COL5A3: variants seen among roughly 807,000 people sequenced by gnomAD.
COL5A3 encodes the protein collagen alpha-3(V) chain.
Under a neutral mutation model 250.0 loss-of-function variants are expected in COL5A3, and 172 were observed. The ratio of observed to expected loss-of-function variants is 0.69; its 90% CI spans 0.61 to 0.78. The LOEUF is 0.78. COL5A3 is among the 30% of genes least tolerant of loss of function. The pLI is 0.00. For missense variants in COL5A3, 2,340 were observed against 2,334.4 expected (o/e 1.00, Z -0.05); for synonymous variants, 937 against 900.4 (o/e 1.04, Z -0.73).
Position 9,993,079 on chromosome 19 carries a change from C to T in COL5A3, c.1750-12G>A, listed in dbSNP as rs73005188. ...GGTCCCTCTGCTCCCTGTGGAAAAGCGTCATTACTTGGGAACAGGAAGGTA... is the reference window on the plus strand; with the variant it reads ...GGTCCCTCTGCTCCCTGTGGAAAAGTGTCATTACTTGGGAACAGGAAGGTA... On this transcript the variant is annotated splice_polypyrimidine_tract_variant and intron_variant, in intron 19 of 66. Coordinates refer to ENST00000264828, the MANE Select transcript of COL5A3 (RefSeq NM_015719.4). 0.023 allele frequency: 37,079 copies of T among 1,613,352 alleles called. 611 individuals carry two copies. Among genetic ancestry groups the T allele is most frequent in the South Asian group, 0.051 (4,639 of 91,002 alleles).
At position 9,979,515 on chromosome 19, in the gene COL5A3, TC is replaced by T. The variant is rs144085270; in HGVS notation, c.2713-99del. ...CTGATAGGATCAGGAATCTGGCCGGTCCGGTGGCTCACGCCTGTAATCCCAG... is the reference window on the plus strand; with the variant it reads ...CTGATAGGATCAGGAATCTGGCCGGTCGGTGGCTCACGCCTGTAATCCCAG... On this transcript the variant is annotated intron_variant, in intron 37 of 66. Coordinates refer to ENST00000264828, the MANE Select transcript of COL5A3 (RefSeq NM_015719.4). 0.01 allele frequency: 13,640 copies of T among 1,326,900 alleles called. 1,091 individuals are homozygous for T. The African/African-American group carries it at 0.18, about 17-fold the overall frequency. The allele number at this position is 1,326,900 out of a possible 1,614,324, so 82.2% of individuals were successfully genotyped here. A position where few individuals can be genotyped will look rare whatever the true frequency, so the allele number is the denominator to read the frequency against.
intron 16 of COL5A3, among the ~76,000 whole-genome samples, chr19:9,994,559 CATATATATATAT>C (rs57642882): frequency 0.072 from 5,055 of 70,470 alleles, 246 homozygotes; most frequent in South Asian, 0.22. Context: ...ATATGTTTTA[CATATATATATAT>C]ATATATATAT....
chr19:9,966,841 A>G (rs1246000880), intron 62 of COL5A3, 95 bp from the exon 63 acceptor site: 2 of 952,676 alleles, frequency 2.1e-6, no homozygotes, highest in Non-Finnish European at 3.1e-6. Context: ...AGGCAGACAG[A>G]CACAAATGAG....
intron 37 of COL5A3, 61 bp from the exon 38 acceptor site, chr19:9,979,478 G>A: frequency 1.9e-6 from 3 of 1,558,414 alleles, no homozygotes; most frequent in Non-Finnish European, 2.7e-6. Flanking sequence ...AGGAGCAGGA[G>A]ACAGGGAAGG....
chr19:9,989,012 G>T (rs949194511), intron 27 of COL5A3, 112 bp downstream of exon 27: 26 of 1,108,542 alleles, frequency 2.3e-5, no homozygotes, highest in Middle Eastern at 2.0e-4. Flanking sequence ...ACTACATTTG[G>T]CCTGGCCAAC....
intron 16 of COL5A3, among the ~76,000 whole-genome samples, chr19:9,994,178 T>TA (rs936742846): frequency 1.8e-4 from 27 of 151,668 alleles, no homozygotes; most frequent in African/African-American, 6.1e-4. Flanking sequence ...TTATTTTTTT[T>TA]AATTTATTTA....
chr19:9,996,545 C>A (rs764185629), intron 12 of COL5A3, 29 bp from the exon 13 acceptor site: 1 of 1,612,994 alleles, frequency 6.2e-7, no homozygotes, highest in South Asian at 1.1e-5. Context: ...TGAGGGAAGC[C>A]CCCAGGAGAG....
chr19:10,005,987 T>C lies in COL5A3; in HGVS notation c.248-2A>G. 2 of 1,612,924 alleles carry C rather than the reference T, an allele frequency of 1.2e-6. No individual in the cohort carries two copies. Among genetic ancestry groups the C allele is most frequent in the Non-Finnish European group, 1.7e-6 (2 of 1,179,072 alleles). On this transcript the variant is annotated splice_acceptor_variant, in intron 2 of 66. Coordinates refer to ENST00000264828, the MANE Select transcript of COL5A3 (RefSeq NM_015719.4). LOFTEE classifies it high-confidence loss of function. ...AGAAGTTCTCAGGAAAGTGGCCTTC[T>C]GGGTGGGCAGAGGGAACAAGGCAGC...
At chr19:9,961,734 A>ATT (rs541331918) in intron 65 of COL5A3, among the ~76,000 whole-genome samples, 1 of 150,638 alleles carries the variant, frequency 6.6e-6, no homozygotes, top group Non-Finnish European at 1.5e-5. Flanking sequence ...AATTTTTTGT[A>ATT]TTTTTAGTAG....
At chr19:9,994,407 C>T (rs547186948) in intron 16 of COL5A3, among the ~76,000 whole-genome samples, 7 of 151,588 alleles carry the variant, frequency 4.6e-5, no homozygotes, top group East Asian at 1.9e-4. Context: ...TGGTCTCAAA[C>T]TCCTGGGCTC....
chr19:10,004,003 G>C (rs370009724), intron 5 of COL5A3, 38 bp downstream of exon 5: 5 of 1,495,166 alleles, frequency 3.3e-6, no homozygotes, highest in Non-Finnish European at 9.3e-7. Context: ...GACCCAGCCT[G>C]TGTCCTGAGA....
At position 9,977,360 on chromosome 19, in the gene COL5A3, C is replaced by CG; in HGVS notation, c.3234+4_3234+5insC. Reference sequence around the variant, plus strand: ...CTGGACCCTTCCTCTCTGTGAACCCCTCACCTTGTCCCCTTCCTCGCCAGA... The same window carrying CG: ...CTGGACCCTTCCTCTCTGTGAACCCCGTCACCTTGTCCCCTTCCTCGCCAGA... On this transcript the variant is annotated splice_donor_region_variant and intron_variant, in intron 43 of 66. Coordinates refer to ENST00000264828, the MANE Select transcript of COL5A3 (RefSeq NM_015719.4). 1 of 1,605,244 alleles carries CG rather than the reference C, an allele frequency of 6.2e-7. No homozygotes were observed.
Position 9,978,888 on chromosome 19 carries a change from C to T in COL5A3, c.2964+3G>A. The T allele has an allele frequency of 2.0e-6, 3 of 1,464,150 alleles. No homozygotes were observed. The highest frequency in any genetic ancestry group is 1.6e-5 in the South Asian group (1 of 63,980). The allele number at this position is 1,464,150 out of a possible 1,614,324, so 90.7% of individuals were successfully genotyped here. A position where few individuals can be genotyped will look rare whatever the true frequency, so the allele number is the denominator to read the frequency against. ...ATGCAGGAGGGTCTCCAAAGATACT[C>T]ACCGGGTCCCCAGGGCCCCCTTTGG... is the stretch of plus-strand genomic sequence containing the variant. On this transcript the variant is annotated splice_donor_region_variant and intron_variant, in intron 40 of 66. Coordinates refer to ENST00000264828, the MANE Select transcript of COL5A3 (RefSeq NM_015719.4).
At chr19:9,998,833 C>T (rs1169193215) in intron 8 of COL5A3, among the ~76,000 whole-genome samples, 2 of 151,810 alleles carry the variant, frequency 1.3e-5, no homozygotes, top group Non-Finnish European at 2.9e-5. Flanking sequence ...TACAGGTGCC[C>T]GCCAACACGC....
intron 34 of COL5A3, 37 bp downstream of exon 34, chr19:9,980,769 G>C (rs369203754): frequency 2.7e-5 from 44 of 1,613,432 alleles, no homozygotes; most frequent in Non-Finnish European, 3.6e-5. Context: ...GCTGAGCCTG[G>C]GGCATGGGGG....
At chr19:9,990,482 T>C (rs1232555444) in intron 24 of COL5A3, among the ~76,000 whole-genome samples, 1 of 152,088 alleles carries the variant, frequency 6.6e-6, no homozygotes, top group African/African-American at 2.4e-5. Flanking sequence ...CATGACATGA[T>C]TCTTATGCGC....
Position 10,003,599 on chromosome 19 carries a change from G to A in COL5A3, c.815C>T (p.Thr272Ile). 4 of 1,614,178 alleles carry A rather than the reference G, an allele frequency of 2.5e-6. No homozygotes were observed. The highest frequency in any genetic ancestry group is 2.2e-5 in the South Asian group (2 of 91,064). ...TGCGGAGTCAGGAGGTGGACTTGAG[G>A]TCCAAATTTCCTTGTTCTTTTTCCT... ...KGRKKNKEIWTSSPPPDSAEN... is the reference protein window; with the variant it reads ...KGRKKNKEIWISSPPPDSAEN... Residue 272 changes from threonine (T) to isoleucine (I), a missense_variant, in exon 6 of 67, where the codon ACC (threonine) becomes ATC (isoleucine). Coordinates refer to ENST00000264828, the MANE Select transcript of COL5A3 (RefSeq NM_015719.4).
At chr19:9,984,961 T>TG in intron 31 of COL5A3, among the ~76,000 whole-genome samples, 1 of 142,164 alleles carries the variant, frequency 7.0e-6, no homozygotes, top group African/African-American at 2.6e-5. Context: ...TTTTTTTTTT[T>TG]TTTTTTGAGA....
intron 44 of COL5A3, 125 bp downstream of exon 44, chr19:9,977,104 T>C: frequency 1.1e-6 from 1 of 896,882 alleles, no homozygotes; most frequent in Non-Finnish European, 1.8e-6. Context: ...ATTGTCAAGA[T>C]GGTACCCGAG....
Sources: gnomAD v4.1 joint callset for allele counts (sites outside exome capture counted in the v4.1 genomes callset) on GRCh38, gnomAD v4.1.1 for gene constraint, MANE v1.5 for transcripts, NCBI Gene and HGNC (gene_info 2026-07-23, HGNC 2026-07-21) for gene names.